GRAMD4: variants seen among roughly 807,000 people sequenced by gnomAD.
GRAMD4 encodes the protein GRAM domain containing 4, also known as GRAM domain-containing protein 4.
A neutral mutation model predicts 83.9 loss-of-function variants in GRAMD4; 25 were observed. The ratio of observed to expected loss-of-function variants is 0.30; its 90% CI spans 0.22 to 0.42. The LOEUF (loss-of-function observed/expected upper bound fraction) is 0.42, where lower values mean the gene tolerates loss of function less well. Among genes scored for constraint, GRAMD4 ranks in the 10% least tolerant of loss-of-function variants. The probability of loss-of-function intolerance (pLI) is 1.00; values close to 1 mark genes in which losing one functional copy is unlikely to be tolerated. For synonymous variants in GRAMD4, 336 were observed against 320.9 expected (o/e 1.05, Z -0.50); for missense variants, 593 against 788.7 (o/e 0.75, Z 2.97).
chr22:46,668,954 A>C, intron 13 of GRAMD4, 46 bp downstream of exon 13: 4 of 1,060,430 alleles, frequency 3.8e-6, no homozygotes, highest in Non-Finnish European at 5.8e-6. Flanking sequence ...GGAGGGACAC[A>C]GGTGTCCGCA....
chr22:46,665,505 G>C, intron 8 of GRAMD4, 110 bp from the exon 9 acceptor site: 2 of 629,838 alleles, frequency 3.2e-6, no homozygotes. Flanking sequence ...GAGAGCCAGC[G>C]GGTGGCCTGG....
At chr22:46,597,743 C>T (rs2081276320) in intron 1 of GRAMD4, among the ~76,000 whole-genome samples, 1 of 152,184 alleles carries the variant, frequency 6.6e-6, no homozygotes. Context: ...CCCGCTTCGG[C>T]CTCCCAAAGT....
chr22:46,630,608 C>A (rs1264459767), intron 2 of GRAMD4, among the ~76,000 whole-genome samples: 1 of 152,240 alleles, frequency 6.6e-6, no homozygotes, highest in Non-Finnish European at 1.5e-5. Context: ...CTGACCGCCC[C>A]TCTCAGTGCT....
chr22:46,679,216 C>G lies in GRAMD4; in HGVS notation c.*1965C>G. 1 of 985,564 alleles carries G rather than the reference C, an allele frequency of 1.0e-6. No individual in the cohort carries two copies. Among genetic ancestry groups the G allele is most frequent in the East Asian group, 1.1e-4 (1 of 8,818 alleles). The allele number at this position is 985,564 out of a possible 1,614,324, so 61.1% of individuals were successfully genotyped here. Reference sequence around the variant, plus strand: ...GCCAATGAGCGCCTCTTCCTAGGTGCTGGGATTCAGTCCCCAAACACAGCG... The same window carrying G: ...GCCAATGAGCGCCTCTTCCTAGGTGGTGGGATTCAGTCCCCAAACACAGCG... On this transcript the variant is annotated 3_prime_UTR_variant, in exon 19 of 19. Coordinates refer to ENST00000406902, the MANE Select transcript of GRAMD4 (RefSeq NM_015124.5).
chr22:46,673,624 A>G, intron 14 of GRAMD4, 46 bp from the exon 15 acceptor site: 1 of 1,591,114 alleles, frequency 6.3e-7, no homozygotes, highest in Non-Finnish European at 8.6e-7. Context: ...TGGGTGCTGC[A>G]GGCGTGGGCA....
chr22:46,646,999 C>T (rs2082081739), intron 3 of GRAMD4, among the ~76,000 whole-genome samples: 3 of 152,180 alleles, frequency 2.0e-5, no homozygotes, highest in Admixed American at 1.3e-4. Flanking sequence ...AAGAACAGCA[C>T]AGGAGAGACC....
At chr22:46,614,808 GTAGGTTCCCCTGTGCTTTA>G (rs1024124157) in intron 1 of GRAMD4, among the ~76,000 whole-genome samples, 1 of 109,914 alleles carries the variant, frequency 9.1e-6, no homozygotes, top group African/African-American at 3.4e-5. Context: ...TCCCCCGTGT[GTAGGTTCCCCTGTGCTTTA>G]TAGGTTCTCC....
intron 1 of GRAMD4, among the ~76,000 whole-genome samples, chr22:46,601,176 A>G (rs965930703): frequency 6.6e-6 from 1 of 151,932 alleles, no homozygotes; most frequent in Admixed American, 6.6e-5. Flanking sequence ...TAAAAAAAGA[A>G]TTAGTGAAGA....
chr22:46,587,908 G>C (rs938202253), intron 1 of GRAMD4: 4 of 985,222 alleles, frequency 4.1e-6, no homozygotes, highest in African/African-American at 3.5e-5. Context: ...CAGGGCTCCT[G>C]ATCCTCCCCG....
chr22:46,604,453 A>C (rs2081345910), intron 1 of GRAMD4, among the ~76,000 whole-genome samples: 1 of 152,066 alleles, frequency 6.6e-6, no homozygotes, highest in African/African-American at 2.4e-5. Flanking sequence ...ACTGGCGTTA[A>C]AGCACATTCA....
chr22:46,621,821 G>A lies in GRAMD4; in HGVS notation c.-50+1256G>A, dbSNP rs2081580458. 6.6e-6 allele frequency among the ~76,000 whole-genome samples: 1 copy of A among 152,244 alleles called. No homozygotes were observed. Among genetic ancestry groups the A allele is most frequent in the Admixed American group, 6.5e-5 (1 of 15,290 alleles). On this transcript the variant is annotated intron_variant, in intron 1 of 18. Transcript: ENST00000406902. The surrounding 1 kb of genome is among the most constrained non-coding windows in gnomAD (Gnocchi z 5.8). ...AAGGCTGGAAGGTCCATCCCTGGCAGTGTGTGGTGACATGTGTCGTGACAT... is the reference window on the plus strand; with the variant it reads ...AAGGCTGGAAGGTCCATCCCTGGCAATGTGTGGTGACATGTGTCGTGACAT...
chr22:46,666,461 G>A (rs952307158), intron 9 of GRAMD4, among the ~76,000 whole-genome samples: 4 of 152,026 alleles, frequency 2.6e-5, no homozygotes, highest in Non-Finnish European at 4.4e-5. Flanking sequence ...AATGTTTTTT[G>A]TAGAAATCAC....
At chr22:46,588,985 C>A (rs1271500600) in intron 1 of GRAMD4, among the ~76,000 whole-genome samples, 1 of 152,042 alleles carries the variant, frequency 6.6e-6, no homozygotes, top group African/African-American at 2.4e-5. Flanking sequence ...TGTGCTGGCC[C>A]GTGGCAGTGC....
chr22:46,612,529 C>T (rs1210238991), intron 1 of GRAMD4, among the ~76,000 whole-genome samples: 8 of 152,182 alleles, frequency 5.3e-5, no homozygotes, highest in Admixed American at 5.2e-4. Context: ...CGCTGCCAGC[C>T]CTCATTCACC....
chr22:46,626,740 C>G lies in GRAMD4; in HGVS notation c.-49-11C>G, dbSNP rs2081666573. ...GGCGAGCGGGAGAGTGACCACGCCC[C>G]TCTCTTGCAGGGAACCCGAGCGTCA... On this transcript the variant is annotated splice_polypyrimidine_tract_variant and intron_variant, in intron 1 of 18. Coordinates refer to ENST00000406902, the MANE Select transcript of GRAMD4 (RefSeq NM_015124.5). 1.9e-6 allele frequency: 3 copies of G among 1,576,792 alleles called. No homozygotes were observed. In the African/African-American group the frequency reaches 4.0e-5, roughly 21 times the overall value.
chr22:46,667,954 G>T, intron 10 of GRAMD4, 142 bp from the exon 11 acceptor site: 1 of 636,850 alleles, frequency 1.6e-6, no homozygotes, highest in Non-Finnish European at 2.8e-6. Context: ...CTGGTGCCAG[G>T]TCCCCAAGGG....
At chr22:46,582,971 C>T (rs1033614042) in intron 1 of GRAMD4, among the ~76,000 whole-genome samples, 4 of 152,228 alleles carry the variant, frequency 2.6e-5, no homozygotes, top group African/African-American at 7.2e-5. Context: ...GTTGCCCAGG[C>T]TGGAGTGCAA....
chr22:46,668,878 T>C lies in GRAMD4; in HGVS notation c.1054T>C (p.Phe352Leu). The change falls in exon 13 of 19, where the codon TTC becomes CTC. Residue 352 changes from phenylalanine (F) to leucine (L), a missense_variant. Coordinates refer to ENST00000406902, the MANE Select transcript of GRAMD4 (RefSeq NM_015124.5). ...LWAAFLASCFFPYRLVGLAVG... is the reference protein window; with the variant it reads ...LWAAFLASCFLPYRLVGLAVG... ...GGCTGCCTTCCTGGCCTCCTGCTTC[T>C]TCCCCTACCGCCTGGTGGGGCTTGC... 6.2e-7 allele frequency: 1 copy of C among 1,608,062 alleles called. No homozygotes were observed. Among genetic ancestry groups the C allele is most frequent in the Non-Finnish European group, 8.5e-7 (1 of 1,175,580 alleles).
chr22:46,650,584 A>C (rs1222544591), intron 3 of GRAMD4, among the ~76,000 whole-genome samples: 1 of 152,214 alleles, frequency 6.6e-6, no homozygotes, highest in Non-Finnish European at 1.5e-5. Flanking sequence ...GTGACCAGTG[A>C]GGTGGTTGTC....
Sources: gnomAD v4.1 joint callset for allele counts (sites outside exome capture counted in the v4.1 genomes callset) on GRCh38, gnomAD v4.1.1 for gene constraint, Gnocchi (gnomAD v3.1) non-coding constraint, MANE v1.5 for transcripts, NCBI Gene and HGNC (gene_info 2026-07-23, HGNC 2026-07-21) for gene names.